The following PDGFRL variants were observed in gnomAD, a reference collection of about 807,000 sequenced individuals.
The protein encoded by PDGFRL is platelet-derived growth factor receptor-like protein.
Under a neutral mutation model 37.2 loss-of-function variants are expected in PDGFRL, and 46 were observed. The observed-to-expected ratio is 1.24, with a 90% CI of 0.98 to 1.58. PDGFRL has a LOEUF of 1.58. Ranked by LOEUF, PDGFRL falls within the 40% of genes most tolerant of loss-of-function variation. PDGFRL has a pLI of 0.00. For missense variants in PDGFRL, 692 were observed against 467.6 expected (o/e 1.48, Z -4.43); for synonymous variants, 251 against 184.3 (o/e 1.36, Z -2.93).
chr8:17,603,008 G>T (rs1472527435), intron 2 of PDGFRL, among the ~76,000 whole-genome samples: 3 of 152,136 alleles, frequency 2.0e-5, no homozygotes, highest in African/African-American at 7.2e-5. Context: ...TTTGGAGACA[G>T]AGTCTTCTTT....
intron 2 of PDGFRL, among the ~76,000 whole-genome samples, chr8:17,595,437 C>T (rs1024814579): frequency 2.0e-5 from 3 of 152,198 alleles, no homozygotes; most frequent in Non-Finnish European, 2.9e-5. Context: ...ACCTAGGTAG[C>T]CGCCCTATTT....
In PDGFRL at chr8:17,643,107, T is replaced by TA. The variant is rs1271257503; in HGVS notation, c.*312dup. The TA allele has an allele frequency of 1.9e-5, 5 of 261,234 alleles. No homozygotes were observed. The South Asian group carries it at 2.7e-4, about 14-fold the overall frequency. 16.2% of individuals were successfully genotyped at this position (261,234 alleles called of 1,614,324 possible). A position where few individuals can be genotyped will look rare whatever the true frequency, so the allele number is the denominator to read the frequency against. ...TTTCTATTAAATGAGCACGTTTTTG[T>TA]AAAAAATAAAAAGTGGGATAAGTGT... On this transcript the variant is annotated 3_prime_UTR_variant, in exon 6 of 6. Transcript: ENST00000251630.
intron 2 of PDGFRL, chr8:17,596,510 A>T (rs569861922): frequency 2.8e-6 from 1 of 362,402 alleles, no homozygotes; most frequent in East Asian, 4.0e-5. Flanking sequence ...AAAGCATCTT[A>T]AGCTTAGAGG....
At chr8:17,628,410 T>C (rs1201929119) in intron 3 of PDGFRL, 77 bp from the exon 4 acceptor site, 4 of 1,118,650 alleles carry the variant, frequency 3.6e-6, no homozygotes, top group South Asian at 1.3e-5. Flanking sequence ...ATTCAGAGTA[T>C]GCTGCCAAAA....
At chr8:17,593,457 G>A (rs1585304279) in intron 2 of PDGFRL, among the ~76,000 whole-genome samples, 1 of 151,564 alleles carries the variant, frequency 6.6e-6, no homozygotes, top group Non-Finnish European at 1.5e-5. Flanking sequence ...ATTTAACCTG[G>A]CTTTGTAGTG....
intron 5 of PDGFRL, among the ~76,000 whole-genome samples, chr8:17,640,786 G>T (rs918722065): frequency 2.0e-5 from 3 of 152,142 alleles, no homozygotes; most frequent in Non-Finnish European, 2.9e-5. Context: ...GACAGCATTA[G>T]CTGCAGTAGT....
rs138541368 is a variant in PDGFRL at position 17,621,101 on chromosome 8, C to T, written c.404C>T (p.Ser135Leu). 6.0e-5 allele frequency: 97 copies of T among 1,612,000 alleles called. No homozygotes were observed. The African/African-American group carries it at 8.0e-4, about 13-fold the overall frequency. The change falls in exon 3 of 6, where the codon TCG (serine) becomes TTG (leucine). Residue 135 changes from serine to leucine, a missense_variant. Transcript: ENST00000251630. ...CAGTTGACTCTGGTCAACTCCACCTCGGCAGACACAGGTGAATTCAGCTGC... is the reference window on the plus strand; with the variant it reads ...CAGTTGACTCTGGTCAACTCCACCTTGGCAGACACAGGTGAATTCAGCTGC... ...YGQLTLVNSTSADTGEFSCWV... is the reference protein window; with the variant it reads ...YGQLTLVNSTLADTGEFSCWV...
rs1461781557 is a variant in PDGFRL at position 17,577,291 on chromosome 8, C to A, written c.39C>A (p.His13Gln). The A allele has an allele frequency of 6.2e-6, 10 of 1,612,832 alleles. No individual in the cohort carries two copies. The highest frequency in any genetic ancestry group is 5.9e-6 in the Non-Finnish European group (7 of 1,179,576). Residue 13 changes from histidine (H) to glutamine (Q), a missense_variant, in exon 1 of 6, where the codon CAC becomes CAA. His to Gln is a conservative substitution (Grantham distance 24). Transcript: ENST00000251630. The stretch of plus-strand genomic sequence containing the variant: ...TGCTGCTTGGTCTTCTGCTGGTGCA[C>A]GAAGCGCTGGAGGATGGTGAGTGAC... ...VWLLLGLLLV[H>Q]EALEDVTGQH...
At chr8:17,592,729 A>G (rs921346897) in intron 2 of PDGFRL, among the ~76,000 whole-genome samples, 3 of 152,044 alleles carry the variant, frequency 2.0e-5, no homozygotes, top group Non-Finnish European at 2.9e-5. Flanking sequence ...CCCCCCAGCT[A>G]TGTGTTCCCA....
chr8:17,624,822 T>C (rs1266756071), intron 3 of PDGFRL, among the ~76,000 whole-genome samples: 1 of 152,024 alleles, frequency 6.6e-6, no homozygotes, highest in Non-Finnish European at 1.5e-5. Flanking sequence ...GCACAAGAAT[T>C]GCTTACACCC....
intron 2 of PDGFRL, among the ~76,000 whole-genome samples, chr8:17,616,332 C>G (rs193070031): frequency 6.6e-6 from 1 of 152,166 alleles, no homozygotes; most frequent in Non-Finnish European, 1.5e-5. Context: ...GTAGCTGGGA[C>G]TACAGGCATG....
At chr8:17,622,896 G>C (rs1406426574) in intron 3 of PDGFRL, among the ~76,000 whole-genome samples, 1 of 152,054 alleles carries the variant, frequency 6.6e-6, no homozygotes, top group East Asian at 1.9e-4. Flanking sequence ...ACTCCACGTT[G>C]ATTTATTTCC....
chr8:17,626,623 A>C (rs1178803447), intron 3 of PDGFRL, among the ~76,000 whole-genome samples: 1 of 152,198 alleles, frequency 6.6e-6, no homozygotes, highest in African/African-American at 2.4e-5. Flanking sequence ...AAAACACAAG[A>C]AAGCATGTAA....
intron 3 of PDGFRL, among the ~76,000 whole-genome samples, chr8:17,625,238 G>A (rs1370913911): frequency 2.0e-5 from 3 of 146,400 alleles, no homozygotes; most frequent in Non-Finnish European, 4.5e-5. Context: ...TGCAACCTCC[G>A]ACTCCCCGGT....
intron 4 of PDGFRL, among the ~76,000 whole-genome samples, chr8:17,631,394 G>A (rs1167309286): frequency 2.0e-5 from 3 of 152,118 alleles, no homozygotes; most frequent in African/African-American, 7.2e-5. Context: ...GTAGCCCCGA[G>A]AGTGAGCTGC....
At chr8:17,595,723 G>C (rs1252130991) in intron 2 of PDGFRL, among the ~76,000 whole-genome samples, 1 of 152,214 alleles carries the variant, frequency 6.6e-6, no homozygotes, top group South Asian at 2.1e-4. Context: ...GTGGGGCGGG[G>C]GTGCTGGGTA....
chr8:17,591,462 G>A (rs1249401102), intron 2 of PDGFRL, among the ~76,000 whole-genome samples: 1 of 152,188 alleles, frequency 6.6e-6, no homozygotes, highest in African/African-American at 2.4e-5. Context: ...CCTAAACTCT[G>A]CCAGTTCTCA....
chr8:17,583,846 C>T (rs1239773128), intron 1 of PDGFRL, among the ~76,000 whole-genome samples: 1 of 152,182 alleles, frequency 6.6e-6, no homozygotes, highest in African/African-American at 2.4e-5. Flanking sequence ...ACCTATTCTC[C>T]TTCACCTGTG....
At chr8:17,579,653 A>C (rs907549389) in intron 1 of PDGFRL, among the ~76,000 whole-genome samples, 3 of 151,694 alleles carry the variant, frequency 2.0e-5, no homozygotes, top group Non-Finnish European at 4.4e-5. Flanking sequence ...TGCGACTTCC[A>C]CTTGTGCTAG....
Sources: gnomAD v4.1 joint callset for allele counts (sites outside exome capture counted in the v4.1 genomes callset) on GRCh38, gnomAD v4.1.1 for gene constraint, MANE v1.5 for transcripts, NCBI Gene and HGNC (gene_info 2026-07-23, HGNC 2026-07-21) for gene names.